KIF11: variants seen among roughly 807,000 people sequenced by gnomAD.
The protein encoded by KIF11 is kinesin-like protein KIF11.
In KIF11, 9 loss-of-function variants were observed where a neutral mutation model predicts 121.0. The observed-to-expected ratio is 0.07, with a 90% CI of 0.04 to 0.13. The LOEUF (loss-of-function observed/expected upper bound fraction) is 0.13. KIF11 is among the 10% of genes least tolerant of loss of function. KIF11 has a pLI of 1.00. For synonymous variants in KIF11, 408 were observed against 421.0 expected (o/e 0.97, Z 0.38); for missense variants, 846 against 1,217.5 (o/e 0.69, Z 4.54).
intron 2 of KIF11, 29 bp from the exon 3 acceptor site, chr10:92,606,589 GA>G (rs770698062): frequency 2.7e-5 from 30 of 1,111,512 alleles, no homozygotes; most frequent in African/African-American, 1.9e-4. Context: ...TTTTGAGGTT[GA>G]TTTTTTTTTT....
intron 1 of KIF11, among the ~76,000 whole-genome samples, chr10:92,599,627 T>TG (rs1433009703): frequency 6.6e-6 from 1 of 151,416 alleles, no homozygotes; most frequent in African/African-American, 2.4e-5. Flanking sequence ...CAGTTTTTTT[T>TG]TGTGTGTGTG....
intron 21 of KIF11, among the ~76,000 whole-genome samples, chr10:92,651,489 C>G (rs1315148653): frequency 2.9e-5 from 4 of 140,046 alleles, no homozygotes; most frequent in Non-Finnish European, 6.1e-5. Flanking sequence ...GCATGTGCCA[C>G]CATGCCTGGC....
chr10:92,600,128 C>T (rs557552247), intron 1 of KIF11, among the ~76,000 whole-genome samples: 28 of 151,752 alleles, frequency 1.8e-4, no homozygotes, highest in African/African-American at 6.8e-4. Context: ...CCTCAGCCTC[C>T]GGAGTAGCTG....
chr10:92,613,873 GGC>G lies in KIF11; in HGVS notation c.1032+255_1032+256del, dbSNP rs1844521983. On this transcript the variant is annotated intron_variant, in intron 8 of 21. Transcript: ENST00000260731. The surrounding 1 kb of genome is among the most constrained non-coding windows in gnomAD (Gnocchi z 4.2). ...CAACTGTGGTCCCAGCTACTTGGGG[GGC>G]TGAGGTGGGAGGATCACTTAAGCCT... 2.0e-5 allele frequency among the ~76,000 whole-genome samples: 3 copies of G among 151,750 alleles called. No homozygotes were observed. Among genetic ancestry groups the G allele is most frequent in the African/African-American group, 7.3e-5 (3 of 41,294 alleles).
intron 9 of KIF11, among the ~76,000 whole-genome samples, chr10:92,620,131 A>T (rs2135909107): frequency 7.0e-6 from 1 of 142,238 alleles, no homozygotes; most frequent in African/African-American, 2.6e-5. Flanking sequence ...CCCAGGCTAG[A>T]GTGCAGTGGT....
chr10:92,601,072 C>T (rs924532940), intron 1 of KIF11, among the ~76,000 whole-genome samples: 1 of 152,188 alleles, frequency 6.6e-6, no homozygotes, highest in Admixed American at 6.5e-5. Flanking sequence ...CTTGGCTAGG[C>T]TGGTCTTGAA....
At chr10:92,597,885 A>G (rs1012980011) in intron 1 of KIF11, among the ~76,000 whole-genome samples, 3 of 152,032 alleles carry the variant, frequency 2.0e-5, no homozygotes, top group African/African-American at 7.2e-5. Context: ...TCCTGATCTC[A>G]GGTGATCCGT....
At chr10:92,653,099 C>G (rs1267543778) in intron 21 of KIF11, among the ~76,000 whole-genome samples, 1 of 152,134 alleles carries the variant, frequency 6.6e-6, no homozygotes, top group Non-Finnish European at 1.5e-5. Flanking sequence ...TTTAAGGTGG[C>G]CCATATACCA....
In KIF11 at chr10:92,593,458, G is replaced by A; in HGVS notation, c.77+6G>A. On this transcript the variant is annotated splice_donor_region_variant and intron_variant, in intron 1 of 21. Transcript: ENST00000260731. Reference sequence around the variant, plus strand: ...CAGGTGGTGGTGAGATGCAGGTAGGGAGAGGGCTGACAGGATTCCGAGCGC... The same window carrying A: ...CAGGTGGTGGTGAGATGCAGGTAGGAAGAGGGCTGACAGGATTCCGAGCGC... 2.5e-6 allele frequency: 4 copies of A among 1,607,552 alleles called. No homozygotes were observed. Among genetic ancestry groups the A allele is most frequent in the Non-Finnish European group, 3.4e-6 (4 of 1,177,316 alleles).
chr10:92,644,789 G>A lies in KIF11; in HGVS notation c.2268-574G>A, dbSNP rs567452012. Among the ~76,000 whole-genome samples, 5 of 152,068 alleles carry A rather than the reference G, an allele frequency of 3.3e-5. No individual in the cohort carries two copies. The South Asian group carries it at 6.2e-4, about 19-fold the overall frequency. On this transcript the variant is annotated intron_variant, in intron 17 of 21. Transcript: ENST00000260731. ...GAATGCTATTATAGGGCAACTTACCGAGATGGAAATTATCAATGAATTTTA... is the reference window on the plus strand; with the variant it reads ...GAATGCTATTATAGGGCAACTTACCAAGATGGAAATTATCAATGAATTTTA...
intron 1 of KIF11, among the ~76,000 whole-genome samples, chr10:92,602,885 C>T (rs978211580): frequency 8.7e-5 from 13 of 149,494 alleles, no homozygotes; most frequent in African/African-American, 3.0e-4. Flanking sequence ...GACTGAGTTT[C>T]GCTCTTGTTG....
At chr10:92,627,728 T>C (rs1163660891) in intron 10 of KIF11, among the ~76,000 whole-genome samples, 1 of 152,184 alleles carries the variant, frequency 6.6e-6, no homozygotes, top group Non-Finnish European at 1.5e-5. Context: ...AAGTTCACTA[T>C]AGATGAAAAA....
intron 14 of KIF11, among the ~76,000 whole-genome samples, chr10:92,634,205 G>A (rs1489975848): frequency 3.3e-5 from 5 of 151,968 alleles, no homozygotes; most frequent in African/African-American, 9.7e-5. Context: ...GGATGGTCTT[G>A]ATCTCCTGAC....
At chr10:92,602,796 C>T (rs1227535561) in intron 1 of KIF11, among the ~76,000 whole-genome samples, 13 of 146,288 alleles carry the variant, frequency 8.9e-5, no homozygotes, top group Non-Finnish European at 1.5e-4. Flanking sequence ...TCTTTGAACC[C>T]TGGTTACTTA....
chr10:92,640,576 T>C (rs6583831), intron 17 of KIF11, among the ~76,000 whole-genome samples: 42,360 of 147,178 alleles, frequency 0.29, 8,151 homozygotes, highest in African/African-American at 0.56. Flanking sequence ...GGACTACAGA[T>C]GCCCGCCACC....
chr10:92,608,067 AAAAAAAAAC>A (rs200409561), intron 4 of KIF11, among the ~76,000 whole-genome samples: 1 of 112,036 alleles, frequency 8.9e-6, no homozygotes, highest in African/African-American at 6.7e-5. Flanking sequence ...ACTCTGTCTC[AAAAAAAAAC>A]AAAAAAACAA....
intron 10 of KIF11, among the ~76,000 whole-genome samples, chr10:92,623,771 T>C (rs1373331176): frequency 6.6e-6 from 1 of 152,216 alleles, no homozygotes; most frequent in Non-Finnish European, 1.5e-5. Context: ...CTGTAGTCTT[T>C]AGAAATGATA....
Position 92,630,261 on chromosome 10 carries a change from C to T in KIF11, c.1391C>T (p.Thr464Ile), listed in dbSNP as rs763983878. 4 of 1,609,900 alleles carry T rather than the reference C, an allele frequency of 2.5e-6. No homozygotes were observed. In the South Asian group the frequency reaches 4.4e-5, roughly 18 times the overall value. The change falls in exon 12 of 22, where the codon ACT (threonine) becomes ATT (isoleucine). Residue 464 changes from threonine to isoleucine, a missense_variant. By Grantham distance (89) the Thr-to-Ile change is moderately conservative. Coordinates refer to ENST00000260731, the MANE Select transcript of KIF11 (RefSeq NM_004523.4). ...LQNKTQELET[T>I]QKHLQETKLQ... ...AATAAAACACAAGAACTTGAAACCA[C>T]TCAAAAACATTTGCAAGAAACTAAA...
intron 3 of KIF11, 86 bp downstream of exon 3, chr10:92,606,802 A>C: frequency 1.2e-6 from 1 of 807,524 alleles, no homozygotes; most frequent in South Asian, 1.4e-5. Flanking sequence ...TTTGAGACGG[A>C]GTTTCACTCT....
Sources: gnomAD v4.1 joint callset for allele counts (sites outside exome capture counted in the v4.1 genomes callset) on GRCh38, gnomAD v4.1.1 for gene constraint, Gnocchi (gnomAD v3.1) non-coding constraint, MANE v1.5 for transcripts, NCBI Gene and HGNC (gene_info 2026-07-23, HGNC 2026-07-21) for gene names.